The following DICER1 variants were observed in gnomAD, a reference collection of about 807,000 sequenced individuals.
DICER1 encodes the protein endoribonuclease Dicer.
Under a neutral mutation model 194.1 loss-of-function variants are expected in DICER1, and 43 were observed. The observed-to-expected ratio is 0.22, with a 90% CI of 0.17 to 0.29. The LOEUF (loss-of-function observed/expected upper bound fraction) is 0.29, where lower values mean the gene tolerates loss of function less well. Ranked by LOEUF, DICER1 falls within the 10% of genes least tolerant of loss-of-function variation. DICER1 has a pLI of 1.00. For synonymous variants in DICER1, 832 were observed against 820.5 expected, an observed-to-expected ratio of 1.01 and a Z score of -0.24; for missense variants, 1,608 against 2,317.0, an observed-to-expected ratio of 0.69 and a Z score of 6.28.
chr14:95,129,513 C>G lies in DICER1; in HGVS notation c.693G>C (p.Lys231Asn). The G allele has an allele frequency of 6.2e-7, 1 of 1,613,980 alleles. No homozygotes were observed. Among genetic ancestry groups the G allele is most frequent in the Non-Finnish European group, 8.5e-7 (1 of 1,179,912 alleles). The part of the protein sequence containing the change: ...EKIQKLEKIL[K>N]SNAETATDLV... ...GGTCAGTTGCAGTTTCAGCATTACT[C>G]TTAAGAATTTTCTCTAGTTTCTGAA... is the stretch of plus-strand genomic sequence containing the variant. Residue 231 changes from lysine (K) to asparagine (N), a missense_variant, in exon 6 of 27, where the codon AAG becomes AAC. Lys to Asn is a moderately conservative substitution (Grantham distance 94). This residue lies in a region of DICER1 where 657 missense variants were observed against 910.1 expected (regional missense o/e 0.72). Coordinates refer to ENST00000343455, the MANE Select transcript of DICER1 (RefSeq NM_177438.3).
intron 24 of DICER1, among the ~76,000 whole-genome samples, chr14:95,093,072 C>A (rs935938574): frequency 6.6e-6 from 1 of 152,130 alleles, no homozygotes; most frequent in Non-Finnish European, 1.5e-5. Context: ...AGTCACTACT[C>A]CCCAACAAAG....
Position 95,157,363 on chromosome 14 carries a change from G to C in DICER1, c.-179C>G, listed in dbSNP as rs1895963015. ...ATTTCCTCGCGCTCGCCGTCGCCTC[G>C]TCCCCGCTGTCAGGTTACTCCATTC... On this transcript the variant is annotated 5_prime_UTR_variant, in exon 1 of 27. Transcript: ENST00000343455. The C allele has an allele frequency of 1.3e-5, 2 of 155,014 alleles. No individual in the cohort carries two copies. Among genetic ancestry groups the C allele is most frequent in the African/African-American group, 4.8e-5 (2 of 41,374 alleles). The allele number at this position is 155,014 out of a possible 1,614,324, so 9.6% of individuals were successfully genotyped here. A position where few individuals can be genotyped will look rare whatever the true frequency, so the allele number is the denominator to read the frequency against.
chr14:95,115,185 T>G (rs1167368330), intron 11 of DICER1, among the ~76,000 whole-genome samples: 1 of 152,258 alleles, frequency 6.6e-6, no homozygotes, highest in Non-Finnish European at 1.5e-5. Flanking sequence ...TGTCTCTGAA[T>G]AGAAATTATC....
In DICER1 at chr14:95,107,670, A is replaced by G. The variant is rs1595379004; in HGVS notation, c.2742T>C (p.Tyr914=). 3 of 1,613,340 alleles carry G rather than the reference A, an allele frequency of 1.9e-6. No homozygotes were observed. Among genetic ancestry groups the G allele is most frequent in the Non-Finnish European group, 2.5e-6 (3 of 1,179,276 alleles). The change falls in exon 17 of 27, where the codon TAT becomes TAC. Residue 914 remains tyrosine (Y), a synonymous_variant. Coordinates refer to ENST00000343455, the MANE Select transcript of DICER1 (RefSeq NM_177438.3). The part of the protein sequence containing the change: ...EARIGIPSTK[Y]TKETPFVFKL... The stretch of plus-strand genomic sequence containing the variant: ...TAAAAACAAAGGGTGTTTCTTTTGT[A>G]TACTTTGTACTGGGAATGCCTATGC...
Position 95,090,455 on chromosome 14 carries a change from T to TAA in DICER1, c.*42_*43insTT. On this transcript the variant is annotated 3_prime_UTR_variant, in exon 27 of 27. Coordinates refer to ENST00000343455, the MANE Select transcript of DICER1 (RefSeq NM_177438.3). ...CCGATTTAAATAATTTTCCCCTTAA[T>TAA]TTTTTTTGTTTTGTTTCTTGTTTTG... 4 of 1,590,308 alleles carry TAA rather than the reference T, an allele frequency of 2.5e-6. No individual in the cohort carries two copies. The highest frequency in any genetic ancestry group is 3.4e-6 in the Non-Finnish European group (4 of 1,160,392).
rs1178008839 is a variant in DICER1, at chr14:95,139,852, T to C, written c.-45-6349A>G. Among the ~76,000 whole-genome samples, 8 of 152,232 alleles carry C rather than the reference T, an allele frequency of 5.3e-5. 1 individual carries two copies. On this transcript the variant is annotated intron_variant, in intron 1 of 26. Transcript: ENST00000343455. ...TTATATTTTCCATAAGGTTACAATG[T>C]TTAAATTAATTTTCATTCATTTAGT...
intron 21 of DICER1, among the ~76,000 whole-genome samples, chr14:95,101,282 C>A (rs140486671): frequency 0.01 from 1,528 of 152,256 alleles, 9 homozygotes; most frequent in Non-Finnish European, 0.015. Context: ...GAACAGCAGG[C>A]TGAGGGAGTG....
At chr14:95,123,570 ACAC>A (rs1458662631) in intron 8 of DICER1, among the ~76,000 whole-genome samples, 1 of 152,042 alleles carries the variant, frequency 6.6e-6, no homozygotes, top group Non-Finnish European at 1.5e-5. Context: ...CTACAGGCAT[ACAC>A]CACCACCGGC....
chr14:95,090,963 A>C, intron 26 of DICER1, 71 bp downstream of exon 26: 1 of 1,398,502 alleles, frequency 7.2e-7, no homozygotes, highest in Non-Finnish European at 1.0e-6. Flanking sequence ...ATTAGTTTAC[A>C]ATATCTTTGT....
chr14:95,153,633 A>ACTCACCTTT (rs1463720697), intron 1 of DICER1, among the ~76,000 whole-genome samples: 2 of 152,146 alleles, frequency 1.3e-5, no homozygotes, highest in African/African-American at 4.8e-5. Context: ...TACATGCAGC[A>ACTCACCTTT]CTCACCTTTC....
chr14:95,122,749 T>C (rs529033044), intron 8 of DICER1, among the ~76,000 whole-genome samples: 3 of 152,202 alleles, frequency 2.0e-5, no homozygotes, highest in Non-Finnish European at 2.9e-5. Context: ...CTAATTTAAA[T>C]GTAATTTGGT....
chr14:95,151,521 A>C (rs954769446), intron 1 of DICER1, among the ~76,000 whole-genome samples: 3 of 152,320 alleles, frequency 2.0e-5, no homozygotes, highest in Admixed American at 6.5e-5. Flanking sequence ...CTCAAGAGGC[A>C]AACACCACTA....
chr14:95,115,611 A>C (rs540184488), intron 11 of DICER1, 56 bp downstream of exon 11: 1 of 1,584,210 alleles, frequency 6.3e-7, no homozygotes, highest in African/African-American at 1.3e-5. Flanking sequence ...GTACAGGTTT[A>C]GACTTAAACT....
chr14:95,133,230 G>A, intron 2 of DICER1, 85 bp downstream of exon 2: 1 of 1,441,028 alleles, frequency 6.9e-7, no homozygotes, highest in Admixed American at 1.7e-5. Flanking sequence ...AAGGGTAAAT[G>A]AGTTTTATAT....
chr14:95,128,327 C>G (rs531476468), intron 6 of DICER1, among the ~76,000 whole-genome samples: 3 of 152,306 alleles, frequency 2.0e-5, no homozygotes, highest in Admixed American at 6.5e-5. Flanking sequence ...CGCTCTACTA[C>G]TTCTACTTCT....
chr14:95,111,455 G>A lies in DICER1; in HGVS notation c.2118C>T (p.Gly706=), dbSNP rs191755360. Residue 706 remains glycine, a splice_region_variant and synonymous_variant, in exon 14 of 27, where the codon GGC becomes GGT. Coordinates refer to ENST00000343455, the MANE Select transcript of DICER1 (RefSeq NM_177438.3). ...CTGGCATCAAATGGTCATCCAGTTC[G>A]CCTAACAAATTTAAAGAGAGAATTA... is the stretch of plus-strand genomic sequence containing the variant. ...LICCEKLHKI[G]ELDDHLMPVG... The A allele has an allele frequency of 2.5e-5, 41 of 1,613,832 alleles. No individual in the cohort carries two copies. The highest frequency in any genetic ancestry group is 4.0e-5 in the African/African-American group (3 of 74,964).
At chr14:95,113,982 AAGAC>A (rs1023062300) in intron 11 of DICER1, among the ~76,000 whole-genome samples, 7 of 152,224 alleles carry the variant, frequency 4.6e-5, no homozygotes, top group Non-Finnish European at 8.8e-5. Context: ...AGGAGGTACA[AAGAC>A]AGAAAGGAGG....
Position 95,088,900 on chromosome 14 carries a change from A to G in DICER1, c.*1598T>C, listed in dbSNP as rs1889550590. On this transcript the variant is annotated 3_prime_UTR_variant, in exon 27 of 27. Coordinates refer to ENST00000343455, the MANE Select transcript of DICER1 (RefSeq NM_177438.3). ...TCAAGTTCAGAATCATGTGCTGGGA[A>G]ATATGAGACACCTCTGCTCAGCTTT... is the stretch of plus-strand genomic sequence containing the variant. 4.3e-6 allele frequency: 1 copy of G among 233,568 alleles called. No individual in the cohort carries two copies. The highest frequency in any genetic ancestry group is 8.5e-6 in the Non-Finnish European group (1 of 118,046). The allele number at this position is 233,568 out of a possible 1,614,324, so 14.5% of individuals were successfully genotyped here.
chr14:95,102,576 T>A (rs576758122), intron 21 of DICER1, among the ~76,000 whole-genome samples: 10 of 152,316 alleles, frequency 6.6e-5, no homozygotes, highest in South Asian at 2.1e-4. Context: ...GCCTCCTCCA[T>A]TAATGCCATC....
Sources: gnomAD v4.1 joint callset for allele counts (sites outside exome capture counted in the v4.1 genomes callset) on GRCh38, gnomAD v4.1.1 for gene constraint, gnomAD v4.1.1 regional missense constraint, MANE v1.5 for transcripts, NCBI Gene and HGNC (gene_info 2026-07-23, HGNC 2026-07-21) for gene names.